The following FXYD3 variants were observed in gnomAD, a reference collection of about 807,000 sequenced individuals.
FXYD3 encodes the protein FXYD domain containing ion transport regulator 3.
FXYD3 carries 13 observed loss-of-function variants against 19.2 expected under a neutral mutation model. That is an observed-to-expected ratio of 0.68 (90% CI 0.44 to 1.08). The LOEUF is 1.08. Ranked by LOEUF, FXYD3 falls within the 50% of genes least tolerant of loss-of-function variation. The pLI, the probability that FXYD3 is intolerant of heterozygous loss-of-function variation, is 0.00. For missense variants in FXYD3, 101 were observed against 109.4 expected, an observed-to-expected ratio of 0.92 and a Z score of 0.34; for synonymous variants, 48 against 38.9, an observed-to-expected ratio of 1.23 and a Z score of -0.87.
chr19:35,117,267 G>A (rs947764545), intron 2 of FXYD3: 6 of 1,499,318 alleles, frequency 4.0e-6, no homozygotes, highest in East Asian at 2.7e-5. Context: ...AGGCTGGGGC[G>A]AGGAGGATAC....
chr19:35,119,536 T>G (rs2064986916), intron 3 of FXYD3, 120 bp downstream of exon 3: 1 of 883,708 alleles, frequency 1.1e-6, no homozygotes. Context: ...TAGAACAGCA[T>G]CTCCCTGAGG....
intron 2 of FXYD3, chr19:35,119,130 C>T: frequency 6.9e-7 from 1 of 1,446,856 alleles, no homozygotes; most frequent in South Asian, 1.2e-5. Context: ...AGCCTGAAGT[C>T]CATGTCCAGT....
chr19:35,116,182 G>A (rs928243194), intron 1 of FXYD3, 82 bp from the exon 2 acceptor site: 2 of 983,462 alleles, frequency 2.0e-6, no homozygotes, highest in African/African-American at 1.7e-5. Context: ...CCATGGCTGG[G>A]GAGGGGGTGA....
chr19:35,119,769 C>G, intron 3 of FXYD3: 1 of 315,332 alleles, frequency 3.2e-6, no homozygotes, highest in South Asian at 4.1e-5. Flanking sequence ...CTCCTGGGGT[C>G]AAGCGATCCT....
intron 2 of FXYD3, 130 bp from the exon 3 acceptor site, chr19:35,119,233 G>C (rs1032700179): frequency 6.2e-7 from 1 of 1,608,252 alleles, no homozygotes; most frequent in Non-Finnish European, 8.5e-7. Flanking sequence ...CCAGCGAGAT[G>C]CCAGCCTTCC....
chr19:35,119,780 ACT>A (rs2064998660), intron 3 of FXYD3: 1 of 287,584 alleles, frequency 3.5e-6, no homozygotes, highest in Non-Finnish European at 6.6e-6. Context: ...AAGCGATCCT[ACT>A]CTCTTAGCCT....
rs1000010331 is a variant in FXYD3 at position 35,119,553 on chromosome 19, A to G, written c.40+137A>G. The G allele has an allele frequency of 4.0e-6, 3 of 745,902 alleles. No homozygotes were observed. The East Asian group carries it at 8.0e-5, about 20-fold the overall frequency. 46.2% of individuals were successfully genotyped at this position (745,902 alleles called of 1,614,324 possible). On this transcript the variant is annotated intron_variant, in intron 3 of 8. Transcript: ENST00000604404. ...GAACAGCATCTCCCTGAGGGTAAGA[A>G]AAGTCAGACTAGTGATAGCCGGGGA... is the stretch of plus-strand genomic sequence containing the variant.
chr19:35,119,100 T>C, intron 2 of FXYD3: 3 of 1,149,926 alleles, frequency 2.6e-6, no homozygotes, highest in South Asian at 2.6e-5. Flanking sequence ...CCTTGTTTGG[T>C]TGCGGGGCGA....
chr19:35,119,281 G>A lies in FXYD3; in HGVS notation c.-14-82G>A, dbSNP rs769769729. The A allele has an allele frequency of 5.0e-6, 8 of 1,611,604 alleles. No homozygotes were observed. The South Asian group carries it at 7.7e-5, about 15-fold the overall frequency. ...GCTGCGCACCCTGCCTGGGGAGCAG[G>A]GGAGGAGGGTTGGGGAGCCACAGGC... On this transcript the variant is annotated intron_variant, in intron 2 of 8. Transcript: ENST00000604404.
At position 35,122,822 on chromosome 19, in the gene FXYD3, G is replaced by C; in HGVS notation, c.155G>C (p.Gly52Ala). 6.2e-7 allele frequency: 1 copy of C among 1,614,040 alleles called. No homozygotes were observed. The highest frequency in any genetic ancestry group is 8.5e-7 in the Non-Finnish European group (1 of 1,180,020). The change falls in exon 6 of 9, where the codon GGC (glycine) becomes GCC (alanine). Residue 52 changes from glycine to alanine, a missense_variant. By Grantham distance (60) the Gly-to-Ala change is moderately conservative. Transcript: ENST00000604404. ...TGCGCTGGGGTTCTGTGCGCCATGGGCATCATCATCGTCATGAGTGAGTGG... is the reference window on the plus strand; with the variant it reads ...TGCGCTGGGGTTCTGTGCGCCATGGCCATCATCATCGTCATGAGTGAGTGG... Reference protein sequence around the residue: ...LICAGVLCAMGIIIVMSAKCK... With the variant: ...LICAGVLCAMAIIIVMSAKCK...
intron 2 of FXYD3, 121 bp downstream of exon 2, chr19:35,116,480 G>A: frequency 1.0e-6 from 1 of 985,430 alleles, no homozygotes; most frequent in Middle Eastern, 5.2e-4. Flanking sequence ...CTAAAATCTT[G>A]TGAAATGCTT....
At position 35,122,940 on chromosome 19, in the gene FXYD3, T is replaced by C; in HGVS notation, c.195T>C (p.Phe65=). The part of the protein sequence containing the change: ...IVMSAKCKCK[F]GQKSGHHPGE... ...CAGGTGCAAAATGCAAATGCAAGTT[T>C]GGCCAGAAGTCCGGGTAAGATACTG... is the stretch of plus-strand genomic sequence containing the variant. Residue 65 remains phenylalanine (F), a synonymous_variant, in exon 7 of 9, where the codon TTT becomes TTC. Transcript: ENST00000604404. The C allele has an allele frequency of 1.9e-6, 3 of 1,602,878 alleles. No individual in the cohort carries two copies. The highest frequency in any genetic ancestry group is 2.6e-6 in the Non-Finnish European group (3 of 1,173,550).
Position 35,123,311 on chromosome 19 carries a change from AAG to A in FXYD3, c.247+5_247+6del. The A allele has an allele frequency of 6.2e-7, 1 of 1,610,718 alleles. No homozygotes were observed. Among genetic ancestry groups the A allele is most frequent in the East Asian group, 2.2e-5 (1 of 44,850 alleles). On this transcript the variant is annotated splice_donor_5th_base_variant and intron_variant, in intron 8 of 8. Coordinates refer to ENST00000604404, the MANE Select transcript of FXYD3 (RefSeq NM_005971.4). ...GACTCCACCTCTCATCACCCCAGGTAAGATGGGGCAGCATGGGGCTCAGGGGA... is the reference window on the plus strand; with the variant it reads ...GACTCCACCTCTCATCACCCCAGGTAATGGGGCAGCATGGGGCTCAGGGGA...
At chr19:35,119,465 G>A (rs775512792) in intron 3 of FXYD3, 49 bp downstream of exon 3, 15 of 1,538,074 alleles carry the variant, frequency 9.8e-6, no homozygotes, top group African/African-American at 6.8e-5. Flanking sequence ...CCCTGGATGC[G>A]GGGATCCAAC....
rs2065101833 is a variant in FXYD3 at position 35,123,690 on chromosome 19, G to A, written c.*233G>A. On this transcript the variant is annotated 3_prime_UTR_variant, in exon 9 of 9. Coordinates refer to ENST00000604404, the MANE Select transcript of FXYD3 (RefSeq NM_005971.4). ...GGAGACTTCCTATGTGTGCATTGGG[G>A]TGGGGCTTGGGGCACCATGAGAAGG... 1.5e-5 allele frequency: 9 copies of A among 583,202 alleles called. No homozygotes were observed. In the South Asian group the frequency reaches 1.8e-4, roughly 12 times the overall value. The allele number at this position is 583,202 out of a possible 1,614,324, so 36.1% of individuals were successfully genotyped here. A position where few individuals can be genotyped will look rare whatever the true frequency, so the allele number is the denominator to read the frequency against.
Position 35,123,610 on chromosome 19 carries a change from C to A in FXYD3, c.*153C>A. The A allele has an allele frequency of 1.3e-6, 1 of 743,934 alleles. No homozygotes were observed. Among genetic ancestry groups the A allele is most frequent in the Non-Finnish European group, 2.2e-6 (1 of 446,960 alleles). 46.1% of individuals were successfully genotyped at this position (743,934 alleles called of 1,614,324 possible). A position where few individuals can be genotyped will look rare whatever the true frequency, so the allele number is the denominator to read the frequency against. On this transcript the variant is annotated 3_prime_UTR_variant, in exon 9 of 9. Coordinates refer to ENST00000604404, the MANE Select transcript of FXYD3 (RefSeq NM_005971.4). Reference sequence around the variant, plus strand: ...CTCATCTCACCTCTCGCAAGAGGGTCTCTTTGTTCAATTTTTTTTAATCTA... The same window carrying A: ...CTCATCTCACCTCTCGCAAGAGGGTATCTTTGTTCAATTTTTTTTAATCTA...
intron 2 of FXYD3, among the ~76,000 whole-genome samples, chr19:35,117,716 G>A (rs1296667646): frequency 1.9e-5 from 2 of 107,986 alleles, no homozygotes; most frequent in Non-Finnish European, 3.5e-5. Flanking sequence ...ACACTTCCTG[G>A]GCCTCAGTAA....
chr19:35,117,126 C>G, intron 2 of FXYD3: 1 of 1,327,204 alleles, frequency 7.5e-7, no homozygotes, highest in Admixed American at 4.1e-5. Flanking sequence ...CTAACCTGCT[C>G]ACCAACCACA....
intron 7 of FXYD3, 60 bp from the exon 8 acceptor site, chr19:35,123,211 T>G (rs1238045479): frequency 2.0e-6 from 3 of 1,535,660 alleles, no homozygotes; most frequent in African/African-American, 2.8e-5. Flanking sequence ...AAGAACCCTC[T>G]ATCCGGAGGG....
Sources: allele counts gnomAD v4.1 joint callset (sites outside exome capture counted in the v4.1 genomes callset), GRCh38; gene constraint gnomAD v4.1.1; transcripts MANE v1.5; gene names NCBI Gene and HGNC (gene_info 2026-07-23, HGNC 2026-07-21).